Variants in TIGD4 observed in about 807,000 individuals in gnomAD.
TIGD4 encodes tigger transposable element-derived protein 4.
Under a neutral mutation model 24.9 loss-of-function variants are expected in TIGD4, and 20 were observed. The ratio of observed to expected loss-of-function variants is 0.80; its 90% confidence interval spans 0.56 to 1.17. The LOEUF (loss-of-function observed/expected upper bound fraction) is 1.17, where lower values mean the gene tolerates loss of function less well. Ranked by LOEUF, TIGD4 falls within the 50% of genes most tolerant of loss-of-function variation. TIGD4 has a pLI of 0.00. For missense variants in TIGD4, 566 were observed against 591.0 expected (o/e 0.96, Z 0.44); for synonymous variants, 193 against 211.0 (o/e 0.91, Z 0.74).
rs61729289 is a variant in TIGD4, at chr4:152,770,347, T to A, written c.658A>T (p.Thr220Ser). 355 of 1,614,150 alleles carry A rather than the reference T, an allele frequency of 2.2e-4. 1 individual carries two copies. In the African/African-American group the frequency reaches 4.4e-3, roughly 20 times the overall value. ...CKDRITLVVG[T>S]NMDGSEKLPL... ...AGTTTCTCTGAGCCATCCATGTTTGTGCCAACCACCAGAGTTATTCTGTCT... is the reference window on the plus strand; with the variant it reads ...AGTTTCTCTGAGCCATCCATGTTTGAGCCAACCACCAGAGTTATTCTGTCT... The change falls in exon 2 of 2, where the codon ACA becomes TCA. Residue 220 changes from threonine to serine, a missense_variant. Physicochemically the swap from Thr to Ser is moderately conservative, Grantham distance 58 (BLOSUM62 1). Coordinates refer to ENST00000304337, the MANE Select transcript of TIGD4 (RefSeq NM_145720.4).
Position 152,770,142 on chromosome 4 carries a change from T to C in TIGD4, c.863A>G (p.Glu288Gly), listed in dbSNP as rs148941804. The stretch of plus-strand genomic sequence containing the variant: ...TACCTCTGGATGTGCTGGAAAAGAC[T>C]CAACAAAAATCACCACTCTTCGTTG... The part of the protein sequence containing the change: ...AQQRRVVIFV[E>G]SFPAHPEVKN... The change falls in exon 2 of 2, where the codon GAG becomes GGG. Residue 288 changes from glutamate (E) to glycine (G), a missense_variant. Transcript: ENST00000304337. 130 of 1,613,916 alleles carry C rather than the reference T, an allele frequency of 8.1e-5. No homozygotes were observed. The highest frequency in any genetic ancestry group is 1.1e-4 in the Non-Finnish European group (126 of 1,179,944).
At chr4:152,773,817 T>G (rs1730219500) in intron 1 of TIGD4, among the ~76,000 whole-genome samples, 1 of 152,182 alleles carries the variant, frequency 6.6e-6, no homozygotes, top group African/African-American at 2.4e-5. Flanking sequence ...GGATCTCTTC[T>G]TATATTTTCC....
chr4:152,769,375 T>G lies in TIGD4; in HGVS notation c.*91A>C. 1.1e-6 allele frequency: 1 copy of G among 899,252 alleles called. No homozygotes were observed. Among genetic ancestry groups the G allele is most frequent in the Non-Finnish European group, 1.5e-6 (1 of 650,220 alleles). 55.7% of individuals were successfully genotyped at this position (899,252 alleles called of 1,614,324 possible). ...AGGATTAGCAGTTTTCCATTTTTTA[T>G]GTTTAAGTGGTGTGGTACAACTCCT... On this transcript the variant is annotated 3_prime_UTR_variant, in exon 2 of 2. Transcript: ENST00000304337.
Position 152,769,501 on chromosome 4 carries a change from G to A in TIGD4, c.1504C>T (p.Leu502Phe). 3 of 1,569,236 alleles carry A rather than the reference G, an allele frequency of 1.9e-6. No individual in the cohort carries two copies. ...NDGLQNSLAD[L>F]ENFINSLSPK ...GATAAAGAGTTAATAAAATTTTCAA[G>A]GTCTGCTAAAGAATTTTGAAGTCCG... Residue 502 changes from leucine (L) to phenylalanine (F), a missense_variant, in exon 2 of 2, where the codon CTT becomes TTT. Coordinates refer to ENST00000304337, the MANE Select transcript of TIGD4 (RefSeq NM_145720.4).
At chr4:152,779,059 C>G (rs527433379) in intron 1 of TIGD4, among the ~76,000 whole-genome samples, 1 of 152,288 alleles carries the variant, frequency 6.6e-6, no homozygotes, top group East Asian at 1.9e-4. Context: ...GGGGGAGCCA[C>G]GCTTTCGCAC....
rs767011812 is a variant in TIGD4 at position 152,769,533 on chromosome 4, A to C, written c.1472T>G (p.Met491Arg). ...TLKKFLRSQD[M>R]NDGLQNSLAD... ...TAAAGAATTTTGAAGTCCGTCATTC[A>C]TATCTTGACTTCTGAGAAATTTTTT... The change falls in exon 2 of 2, where the codon ATG (methionine) becomes AGG (arginine). Residue 491 changes from methionine to arginine, a missense_variant. By Grantham distance (91) the Met-to-Arg change is moderately conservative. Transcript: ENST00000304337. 1 of 1,600,996 alleles carries C rather than the reference A, an allele frequency of 6.2e-7. No homozygotes were observed. The highest frequency in any genetic ancestry group is 1.1e-5 in the South Asian group (1 of 88,092).
chr4:152,772,580 T>C (rs1730195450), intron 1 of TIGD4, among the ~76,000 whole-genome samples: 1 of 152,216 alleles, frequency 6.6e-6, no homozygotes, highest in African/African-American at 2.4e-5. Context: ...AAATAGGTGG[T>C]GATGATCTCA....
At chr4:152,774,004 T>C (rs772877264) in intron 1 of TIGD4, among the ~76,000 whole-genome samples, 2 of 151,848 alleles carry the variant, frequency 1.3e-5, no homozygotes, top group Non-Finnish European at 2.9e-5. Flanking sequence ...CTTCCTCTTT[T>C]CTTTCCTTCC....
chr4:152,770,808 G>A lies in TIGD4; in HGVS notation c.197C>T (p.Ala66Val), dbSNP rs762254717. The change falls in exon 2 of 2, where the codon GCC (alanine) becomes GTC (valine). Residue 66 changes from alanine to valine, a missense_variant. Transcript: ENST00000304337. ...IMKNKDKVLEAFESLRFDPKR... is the reference protein window; with the variant it reads ...IMKNKDKVLEVFESLRFDPKR... ...TGGATCAAATCTTAGAGATTCAAAG[G>A]CTTCTAGAACTTTGTCTTTATTCTT... 3.7e-6 allele frequency: 6 copies of A among 1,611,380 alleles called. No homozygotes were observed. The highest frequency in any genetic ancestry group is 4.2e-6 in the Non-Finnish European group (5 of 1,179,396).
Position 152,769,493 on chromosome 4 carries a change from A to G in TIGD4, c.1512T>C (p.Asn504=). The change falls in exon 2 of 2, where the codon AAT becomes AAC. Residue 504 remains asparagine (N), a synonymous_variant. Coordinates refer to ENST00000304337, the MANE Select transcript of TIGD4 (RefSeq NM_145720.4). The stretch of plus-strand genomic sequence containing the variant: ...ACTTAGGTGATAAAGAGTTAATAAA[A>G]TTTTCAAGGTCTGCTAAAGAATTTT... ...GLQNSLADLE[N]FINSLSPK 1.9e-6 allele frequency: 3 copies of G among 1,561,450 alleles called. No homozygotes were observed. The highest frequency in any genetic ancestry group is 2.6e-6 in the Non-Finnish European group (3 of 1,154,866).
intron 1 of TIGD4, among the ~76,000 whole-genome samples, chr4:152,777,948 G>C (rs960641439): frequency 2.0e-5 from 3 of 152,024 alleles, no homozygotes; most frequent in African/African-American, 4.8e-5. Flanking sequence ...GATTAATCCT[G>C]TGTATATATA....
intron 1 of TIGD4, among the ~76,000 whole-genome samples, chr4:152,771,930 C>T (rs1730183075): frequency 6.6e-6 from 1 of 152,120 alleles, no homozygotes; most frequent in African/African-American, 2.4e-5. Flanking sequence ...CAAAAGAAAA[C>T]ATACTCAGAC....
intron 1 of TIGD4, among the ~76,000 whole-genome samples, chr4:152,777,868 G>A (rs1433749900): frequency 6.6e-6 from 1 of 152,096 alleles, no homozygotes; most frequent in East Asian, 1.9e-4. Flanking sequence ...ACCAGCTGAA[G>A]TAGTTTCTAG....
chr4:152,779,319 G>A (rs1189016274), intron 1 of TIGD4, among the ~76,000 whole-genome samples, 163 bp downstream of exon 1: 3 of 152,250 alleles, frequency 2.0e-5, no homozygotes, highest in Admixed American at 6.5e-5. Context: ...CAAATCCAGA[G>A]CAAGTAAGAG....
chr4:152,772,795 T>A (rs867548559), intron 1 of TIGD4, among the ~76,000 whole-genome samples: 5 of 152,096 alleles, frequency 3.3e-5, no homozygotes, highest in Admixed American at 2.6e-4. Context: ...CACTGCAACC[T>A]CTGCCTCCCA....
At position 152,769,530 on chromosome 4, in the gene TIGD4, T is replaced by C; in HGVS notation, c.1475A>G (p.Asn492Ser). 1.2e-6 allele frequency: 2 copies of C among 1,601,018 alleles called. No individual in the cohort carries two copies. The highest frequency in any genetic ancestry group is 1.7e-6 in the Non-Finnish European group (2 of 1,175,028). The change falls in exon 2 of 2, where the codon AAT (asparagine) becomes AGT (serine). Residue 492 changes from asparagine (N) to serine (S), a missense_variant. Coordinates refer to ENST00000304337, the MANE Select transcript of TIGD4 (RefSeq NM_145720.4). ...LKKFLRSQDM[N>S]DGLQNSLADL... ...TGCTAAAGAATTTTGAAGTCCGTCA[T>C]TCATATCTTGACTTCTGAGAAATTT... is the stretch of plus-strand genomic sequence containing the variant.
chr4:152,774,587 T>C (rs1483298979), intron 1 of TIGD4, among the ~76,000 whole-genome samples: 1 of 152,206 alleles, frequency 6.6e-6, no homozygotes, highest in Non-Finnish European at 1.5e-5. Flanking sequence ...CTATTCTACA[T>C]GTTAGGGAAT....
rs1395181674 is a variant in TIGD4 at position 152,779,599 on chromosome 4, C to T, written c.-656G>A. 3 of 152,312 alleles carry T rather than the reference C, an allele frequency of 2.0e-5. No individual in the cohort carries two copies. The highest frequency in any genetic ancestry group is 2.9e-5 in the Non-Finnish European group (2 of 68,128). The allele number at this position is 152,312 out of a possible 1,614,324, so 9.4% of individuals were successfully genotyped here. ...CAGCTCACGGTCTGTTGGGGGGGTC[C>T]TCCTAACGTGTGAGGCTAGGGTGTG... On this transcript the variant is annotated 5_prime_UTR_variant, in exon 1 of 2. Coordinates refer to ENST00000304337, the MANE Select transcript of TIGD4 (RefSeq NM_145720.4).
intron 1 of TIGD4, among the ~76,000 whole-genome samples, chr4:152,778,905 G>C (rs1488439717): frequency 6.6e-6 from 1 of 152,286 alleles, no homozygotes; most frequent in South Asian, 2.1e-4. Context: ...GTTACCCTTC[G>C]CATTTCTACA....
Sources: allele counts gnomAD v4.1 joint callset (sites outside exome capture counted in the v4.1 genomes callset), GRCh38; gene constraint gnomAD v4.1.1; transcripts MANE v1.5; gene names NCBI Gene and HGNC (gene_info 2026-07-23, HGNC 2026-07-21).